The following MAX variants were observed in gnomAD, a reference collection of about 807,000 sequenced individuals.
MAX encodes the protein protein max.
Under a neutral mutation model 22.3 loss-of-function variants are expected in MAX, and 3 were observed. That is an observed-to-expected ratio of 0.13 (90% confidence interval 0.06 to 0.35). The LOEUF (loss-of-function observed/expected upper bound fraction) is 0.35, where lower values mean the gene tolerates loss of function less well. Among genes scored for constraint, MAX ranks in the 10% least tolerant of loss-of-function variants. The pLI is 1.00. For synonymous variants in MAX, 72 were observed against 77.7 expected, an observed-to-expected ratio of 0.93 and a Z score of 0.39; for missense variants, 119 against 209.4, an observed-to-expected ratio of 0.57 and a Z score of 2.66.
chr14:65,007,010 A>C lies in MAX; in HGVS notation c.172-726T>G, dbSNP rs948256406. On this transcript the variant is annotated intron_variant, in intron 3 of 3. Coordinates refer to the MAX transcript ENST00000341653. This position sits in a 1 kb window ranked among gnomAD's most constrained non-coding sequence, Gnocchi z 4.9. ...ATAGAATATATCAGGGCTCTGGGTT[A>C]GTTTCAGGAATTTCACAATTACCCG... 2.6e-4 allele frequency among the ~76,000 whole-genome samples: 40 copies of C among 152,272 alleles called. No individual in the cohort carries two copies. The highest frequency in any genetic ancestry group is 9.6e-4 in the African/African-American group (40 of 41,562).
In MAX at chr14:65,012,483, T is replaced by C; in HGVS notation, c.172-6199A>G. On this transcript the variant is annotated intron_variant, in intron 3 of 3. Coordinates refer to the MAX transcript ENST00000341653. This position sits in a 1 kb window ranked among gnomAD's most constrained non-coding sequence, Gnocchi z 5.0. ...ACGTAAAAGACTGTTGGGGCTGACC[T>C]GTTGCAGAGTCACTCTTTGTTCTCT... 6.7e-7 allele frequency: 1 copy of C among 1,501,596 alleles called. No individual in the cohort carries two copies. Among genetic ancestry groups the C allele is most frequent in the Non-Finnish European group, 9.1e-7 (1 of 1,097,454 alleles). 93.0% of individuals were successfully genotyped at this position (1,501,596 alleles called of 1,614,324 possible). A position where few individuals can be genotyped will look rare whatever the true frequency, so the allele number is the denominator to read the frequency against.
rs760061399 is a variant in MAX, at chr14:65,077,057, G to T, written c.296-394C>A. On this transcript the variant is annotated intron_variant, in intron 4 of 4. Transcript: ENST00000358664. This position sits in a 1 kb window ranked among gnomAD's most constrained non-coding sequence, Gnocchi z 6.3. ...GTGAGGCCACACAACAGCAGGAAAG[G>T]ATGACATAAGACGTATCAGCCAAAG... 2.0e-5 allele frequency: 11 copies of T among 557,090 alleles called. No individual in the cohort carries two copies. The highest frequency in any genetic ancestry group is 2.9e-5 in the Non-Finnish European group (9 of 313,292). The allele number at this position is 557,090 out of a possible 1,614,324, so 34.5% of individuals were successfully genotyped here.
intron 3 of MAX, among the ~76,000 whole-genome samples, chr14:65,008,631 T>G (rs543567919): frequency 2.0e-5 from 3 of 152,326 alleles, no homozygotes; most frequent in East Asian, 3.9e-4. Flanking sequence ...GGTGGCTAAC[T>G]TAAAGGATGG....
At chr14:65,008,846 C>G (rs893119508) in intron 3 of MAX, among the ~76,000 whole-genome samples, 2 of 152,196 alleles carry the variant, frequency 1.3e-5, no homozygotes, top group African/African-American at 4.8e-5. Flanking sequence ...ACCCAGTACA[C>G]ATAGATGTGT....
intron 3 of MAX, among the ~76,000 whole-genome samples, chr14:65,045,926 A>T (rs1000283969): frequency 6.6e-6 from 1 of 152,208 alleles, no homozygotes; most frequent in African/African-American, 2.4e-5. Context: ...GAGCCTGCAC[A>T]GTCTCTGCCT....
rs1369769906 is a variant in MAX, at chr14:65,077,665, G to C, written c.295+248C>G. On this transcript the variant is annotated intron_variant, in intron 4 of 4. Coordinates refer to ENST00000358664, the MANE Select transcript of MAX (RefSeq NM_002382.5). This position sits in a 1 kb window ranked among gnomAD's most constrained non-coding sequence, Gnocchi z 6.3. ...GCACCTGAGCCCCAAGAAGGGGAGA[G>C]GTCAGGCCAGAAAAGATACAAGTCT... is the stretch of plus-strand genomic sequence containing the variant. 6.7e-7 allele frequency: 1 copy of C among 1,484,468 alleles called. No individual in the cohort carries two copies. Among genetic ancestry groups the C allele is most frequent in the African/African-American group, 1.4e-5 (1 of 71,768 alleles). The allele number at this position is 1,484,468 out of a possible 1,614,324, so 92.0% of individuals were successfully genotyped here. A position where few individuals can be genotyped will look rare whatever the true frequency, so the allele number is the denominator to read the frequency against.
chr14:65,010,741 G>GT (rs2061669297), intron 3 of MAX, among the ~76,000 whole-genome samples: 1 of 152,170 alleles, frequency 6.6e-6, no homozygotes, highest in East Asian at 1.9e-4. Flanking sequence ...CCAGATCCTT[G>GT]TTTTTTTGTT....
intron 3 of MAX, among the ~76,000 whole-genome samples, chr14:65,037,423 T>C (rs1238656255): frequency 1.8e-4 from 20 of 110,716 alleles, no homozygotes; most frequent in South Asian, 5.8e-4. Flanking sequence ...TTTTTTTTTT[T>C]TTTTTTTTTT....
chr14:65,048,363 T>C (rs976615632), intron 3 of MAX, among the ~76,000 whole-genome samples: 1 of 152,148 alleles, frequency 6.6e-6, no homozygotes, highest in Non-Finnish European at 1.5e-5. Context: ...AATTTTATTT[T>C]GGTAAATGTA....
chr14:65,101,256 C>T (rs1263968724), intron 2 of MAX, among the ~76,000 whole-genome samples: 1 of 152,210 alleles, frequency 6.6e-6, no homozygotes, highest in Admixed American at 6.5e-5. Context: ...CTCATTTCCA[C>T]TTACATAGTG....
At position 65,075,492 on chromosome 14, in the gene MAX, T is replaced by C; in HGVS notation, c.*984A>G. 8 of 1,064,748 alleles carry C rather than the reference T, an allele frequency of 7.5e-6. No individual in the cohort carries two copies. Among genetic ancestry groups the C allele is most frequent in the Non-Finnish European group, 9.1e-6 (8 of 878,680 alleles). The allele number at this position is 1,064,748 out of a possible 1,614,324, so 66.0% of individuals were successfully genotyped here. On this transcript the variant is annotated 3_prime_UTR_variant, in exon 5 of 5. Coordinates refer to ENST00000358664, the MANE Select transcript of MAX (RefSeq NM_002382.5). The surrounding 1 kb of genome is among the most constrained non-coding windows in gnomAD (Gnocchi z 4.1). Reference sequence around the variant, plus strand: ...TACCAGGTAAATTGCTCTTGGTATTTACATACAAAATCAGTTGGCTCTATT... The same window carrying C: ...TACCAGGTAAATTGCTCTTGGTATTCACATACAAAATCAGTTGGCTCTATT...
At chr14:65,038,811 T>C (rs902858239) in intron 3 of MAX, among the ~76,000 whole-genome samples, 5 of 152,212 alleles carry the variant, frequency 3.3e-5, no homozygotes, top group Non-Finnish European at 7.3e-5. Context: ...TCTCTTAGTA[T>C]TTATCTTCTA....
At chr14:65,057,475 T>G (rs2062762341) in intron 3 of MAX, among the ~76,000 whole-genome samples, 1 of 152,166 alleles carries the variant, frequency 6.6e-6, no homozygotes, top group Non-Finnish European at 1.5e-5. Flanking sequence ...TGGTCAAATC[T>G]ATTTGTCTTT....
Position 65,077,286 on chromosome 14 carries a change from CATTTA to C in MAX, c.295+622_296-624del, listed in dbSNP as rs1463148040. On this transcript the variant is annotated intron_variant, in intron 4 of 4. Coordinates refer to ENST00000358664, the MANE Select transcript of MAX (RefSeq NM_002382.5). The surrounding 1 kb of genome is among the most constrained non-coding windows in gnomAD (Gnocchi z 6.3). ...TCAGCTTGAGCCTGGAAGGTCAACC[CATTTA>C]ATTTATTTTATTTTATTTTATTTGA... 4 of 1,271,836 alleles carry C rather than the reference CATTTA, an allele frequency of 3.1e-6. No homozygotes were observed. The African/African-American group carries it at 4.5e-5, about 14-fold the overall frequency. 78.8% of individuals were successfully genotyped at this position (1,271,836 alleles called of 1,614,324 possible). A position where few individuals can be genotyped will look rare whatever the true frequency, so the allele number is the denominator to read the frequency against.
rs1392596152 is a variant in MAX, at chr14:65,093,826, G to A, written c.64-11C>T. On this transcript the variant is annotated splice_polypyrimidine_tract_variant and intron_variant, in intron 2 of 4. Transcript: ENST00000358664. The surrounding 1 kb of genome is among the most constrained non-coding windows in gnomAD (Gnocchi z 4.4). ...AGCCCGTTTGTCAGCCTAGAAGAAT[G>A]GGAGAAAGAACACATTAGGAATGTC... 2 of 1,464,292 alleles carry A rather than the reference G, an allele frequency of 1.4e-6. No homozygotes were observed. Among genetic ancestry groups the A allele is most frequent in the Non-Finnish European group, 1.9e-6 (2 of 1,043,278 alleles). 90.7% of individuals were successfully genotyped at this position (1,464,292 alleles called of 1,614,324 possible). A position where few individuals can be genotyped will look rare whatever the true frequency, so the allele number is the denominator to read the frequency against.
At chr14:65,087,317 A>G (rs778059474) in intron 3 of MAX, among the ~76,000 whole-genome samples, 4 of 152,200 alleles carry the variant, frequency 2.6e-5, no homozygotes, top group Admixed American at 6.5e-5. Context: ...ACCATCCTGC[A>G]GACCCCAGAA....
intron 3 of MAX, among the ~76,000 whole-genome samples, chr14:65,050,489 G>A (rs1263411428): frequency 6.6e-6 from 1 of 152,172 alleles, no homozygotes; most frequent in Non-Finnish European, 1.5e-5. Context: ...TACTCAGGAG[G>A]CTGAGACAGG....
downstream of MAX, among the ~76,000 whole-genome samples, chr14:65,070,585 G>A (rs1049473555): frequency 1.3e-5 from 2 of 152,200 alleles, no homozygotes; most frequent in African/African-American, 2.4e-5. The surrounding 1 kb of genome is among the most constrained non-coding windows in gnomAD (Gnocchi z 4.4). Context: ...CCACCTGCTC[G>A]GCATTCTTCT....
chr14:65,084,074 G>A lies in MAX; in HGVS notation c.172-6038C>T. 2 of 1,597,964 alleles carry A rather than the reference G, an allele frequency of 1.3e-6. No homozygotes were observed. The highest frequency in any genetic ancestry group is 1.1e-5 in the South Asian group (1 of 90,086). ...TGCTGCCAGGGCCTCCCCAGCCACA[G>A]GACCATTTTGCTGATTACCAGGGTA... On this transcript the variant is annotated intron_variant, in intron 3 of 4. Transcript: ENST00000358664. This position sits in a 1 kb window ranked among gnomAD's most constrained non-coding sequence, Gnocchi z 4.3.
Sources: allele counts gnomAD v4.1 joint callset (sites outside exome capture counted in the v4.1 genomes callset), GRCh38; gene constraint gnomAD v4.1.1; non-coding constraint Gnocchi (gnomAD v3.1); transcripts MANE v1.5; gene names NCBI Gene and HGNC (gene_info 2026-07-23, HGNC 2026-07-21).